The following ALK variants were observed in gnomAD, a reference collection of about 807,000 sequenced individuals.
ALK encodes ALK receptor tyrosine kinase.
ALK carries 74 observed loss-of-function variants against 163.1 expected under a neutral mutation model. That is an observed-to-expected ratio of 0.45 (90% CI 0.38 to 0.55). The LOEUF is 0.55. ALK is among the 20% of genes least tolerant of loss of function. The pLI, the probability that ALK is intolerant of heterozygous loss-of-function variation, is 0.00. For synonymous variants in ALK, 960 were observed against 843.2 expected (o/e 1.14, Z -2.40); for missense variants, 2,063 against 2,105.3 (o/e 0.98, Z 0.39).
intron 3 of ALK, among the ~76,000 whole-genome samples, chr2:29,650,331 C>T (rs1463646092): frequency 6.6e-6 from 1 of 152,150 alleles, no homozygotes; most frequent in Non-Finnish European, 1.5e-5. Flanking sequence ...TGCAAAAATG[C>T]ATCACTTTGG....
At chr2:29,420,178 A>G (rs1461838619) in intron 4 of ALK, among the ~76,000 whole-genome samples, 1 of 134,722 alleles carries the variant, frequency 7.4e-6, no homozygotes, top group African/African-American at 2.7e-5. Context: ...AAAAAAAAAA[A>G]GGTAGGGACC....
intron 12 of ALK, among the ~76,000 whole-genome samples, chr2:29,245,318 C>T (rs1182466847): frequency 4.5e-5 from 5 of 111,214 alleles, no homozygotes; most frequent in East Asian, 5.6e-4. Flanking sequence ...GCCCTGCACA[C>T]AGTAGGGGCT....
chr2:29,593,875 T>C (rs912765654), intron 3 of ALK, among the ~76,000 whole-genome samples: 4 of 152,232 alleles, frequency 2.6e-5, no homozygotes, highest in African/African-American at 9.6e-5. Flanking sequence ...TTAAAGTTGA[T>C]TGTGACATTT....
chr2:29,758,332 C>T (rs968272212), intron 1 of ALK, among the ~76,000 whole-genome samples: 6 of 152,126 alleles, frequency 3.9e-5, no homozygotes, highest in Non-Finnish European at 8.8e-5. Flanking sequence ...CTGTGACTTT[C>T]CCATCAGGTA....
At chr2:29,475,961 T>C (rs1399730434) in intron 4 of ALK, among the ~76,000 whole-genome samples, 1 of 152,216 alleles carries the variant, frequency 6.6e-6, no homozygotes, top group African/African-American at 2.4e-5. Flanking sequence ...GAAAGTCTCT[T>C]GGTCCTCCCG....
chr2:29,458,463 TCATTACACCTTG>T (rs1406164789), intron 4 of ALK, among the ~76,000 whole-genome samples: 1 of 152,208 alleles, frequency 6.6e-6, no homozygotes, highest in East Asian at 1.9e-4. Context: ...ATGTCGCTAA[TCATTACACCTTG>T]ATTGGGCTGT....
At chr2:29,551,656 C>T (rs1030046315) in intron 3 of ALK, among the ~76,000 whole-genome samples, 1 of 152,046 alleles carries the variant, frequency 6.6e-6, no homozygotes, top group Non-Finnish European at 1.5e-5. Context: ...AAGAGAGAGG[C>T]AGTTATAAAA....
intron 2 of ALK, among the ~76,000 whole-genome samples, chr2:29,697,377 T>G (rs1221836519): frequency 6.6e-6 from 1 of 152,160 alleles, no homozygotes; most frequent in African/African-American, 2.4e-5. Flanking sequence ...GCCCATGCCC[T>G]GGGATGTTTT....
intron 1 of ALK, among the ~76,000 whole-genome samples, chr2:29,750,258 G>A (rs1481354529): frequency 6.6e-6 from 1 of 152,208 alleles, no homozygotes; most frequent in African/African-American, 2.4e-5. Context: ...ATATGGTATA[G>A]CCTATCGATC....
chr2:29,711,992 T>G (rs1679118109), intron 2 of ALK, among the ~76,000 whole-genome samples: 1 of 152,216 alleles, frequency 6.6e-6, no homozygotes, highest in Non-Finnish European at 1.5e-5. Flanking sequence ...CTTACTCAAC[T>G]TGCCACCAAC....
intron 9 of ALK, among the ~76,000 whole-genome samples, chr2:29,296,615 A>T (rs1666187072): frequency 6.6e-6 from 1 of 152,210 alleles, no homozygotes; most frequent in African/African-American, 2.4e-5. Context: ...TCCTCCAGAC[A>T]CTGGGGGTAG....
chr2:29,574,236 A>T (rs899132651), intron 3 of ALK, among the ~76,000 whole-genome samples: 1 of 152,164 alleles, frequency 6.6e-6, no homozygotes, highest in Non-Finnish European at 1.5e-5. Flanking sequence ...TGCTCTTACC[A>T]CTGCATCTCC....
chr2:29,756,529 ATTT>A (rs35599126), intron 1 of ALK, among the ~76,000 whole-genome samples: 1 of 138,766 alleles, frequency 7.2e-6, no homozygotes. Flanking sequence ...TTACTCATTG[ATTT>A]TTTTTTTTTT....
intron 4 of ALK, among the ~76,000 whole-genome samples, chr2:29,466,806 C>T (rs1449268598): frequency 6.6e-6 from 1 of 152,224 alleles, no homozygotes; most frequent in African/African-American, 2.4e-5. Context: ...ATCAATCACT[C>T]AGTTGGTAAC....
chr2:29,689,125 C>T (rs1470387865), intron 3 of ALK, among the ~76,000 whole-genome samples: 3 of 150,814 alleles, frequency 2.0e-5, no homozygotes, highest in African/African-American at 5.0e-5. Context: ...CAAACCCATA[C>T]ACATGTAGGT....
intron 1 of ALK, among the ~76,000 whole-genome samples, chr2:29,781,204 C>A (rs1265147487): frequency 1.3e-5 from 2 of 152,230 alleles, no homozygotes; most frequent in African/African-American, 4.8e-5. Flanking sequence ...TGCTCAACAT[C>A]TGTCAGGGCT....
chr2:29,674,990 A>G (rs868012490), intron 3 of ALK, among the ~76,000 whole-genome samples: 3 of 150,124 alleles, frequency 2.0e-5, no homozygotes. Flanking sequence ...CTCTGATGGT[A>G]GTTTGTATTT....
intron 4 of ALK, among the ~76,000 whole-genome samples, chr2:29,442,967 T>C (rs1234721488): frequency 6.6e-6 from 1 of 152,242 alleles, no homozygotes; most frequent in African/African-American, 2.4e-5. Flanking sequence ...TGCCACATGG[T>C]GGCTACAGTG....
At chr2:29,234,134 G>T (rs950059847) in intron 13 of ALK, among the ~76,000 whole-genome samples, 2 of 152,120 alleles carry the variant, frequency 1.3e-5, no homozygotes, top group Non-Finnish European at 2.9e-5. Context: ...CTTTGGCCCA[G>T]AAGTCTATCA....
Sources: gnomAD v4.1 joint callset for allele counts (sites outside exome capture counted in the v4.1 genomes callset) on GRCh38, gnomAD v4.1.1 for gene constraint, MANE v1.5 for transcripts, NCBI Gene and HGNC (gene_info 2026-07-23, HGNC 2026-07-21) for gene names.